Variants in RP1L1 observed in about 807,000 individuals in gnomAD.
RP1L1 encodes the protein RP1 like 1.
A neutral mutation model predicts 15.7 loss-of-function variants in RP1L1; 27 were observed. That is an observed-to-expected ratio of 1.72 (90% CI 1.27 to 2.38). The LOEUF (loss-of-function observed/expected upper bound fraction) is 2.38, where lower values mean the gene tolerates loss of function less well. Among genes scored for constraint, RP1L1 ranks in the 30% most tolerant of loss-of-function variants. The pLI, the probability that RP1L1 is intolerant of heterozygous loss-of-function variation, is 0.00. For missense variants in RP1L1, 4,798 were observed against 3,075.9 expected (o/e 1.56, Z -13.24); for synonymous variants, 1,813 against 1,276.7 (o/e 1.42, Z -8.96).
chr8:10,642,274 G>C (rs560822270), intron 1 of RP1L1, among the ~76,000 whole-genome samples: 1 of 152,136 alleles, frequency 6.6e-6, no homozygotes, highest in African/African-American at 2.4e-5. Context: ...TACTCACTGA[G>C]TTCCTATTTT....
intron 2 of RP1L1, among the ~76,000 whole-genome samples, chr8:10,618,476 C>T (rs1375974124): frequency 6.6e-6 from 1 of 152,186 alleles, no homozygotes; most frequent in East Asian, 1.9e-4. Context: ...CACTGCACTC[C>T]AGCCTGGGTG....
At chr8:10,640,863 C>G (rs567641480) in intron 1 of RP1L1, among the ~76,000 whole-genome samples, 1 of 152,160 alleles carries the variant, frequency 6.6e-6, no homozygotes, top group South Asian at 2.1e-4. Context: ...CTTGACCTCC[C>G]AGGCTGAAGC....
rs1362551155 is a variant in RP1L1, at chr8:10,612,390, C to T, written c.1708G>A (p.Glu570Lys). The part of the protein sequence containing the change: ...RAETSQQEAS[E>K]GGDPASPALS... ...GCTGGAGAAGCGGGGTCGCCTCCCT[C>T]GCTGGCCTCCTGCTGAGAGGTCTCG... is the stretch of plus-strand genomic sequence containing the variant. The change falls in exon 4 of 4, where the codon GAG becomes AAG. Residue 570 changes from glutamate to lysine, a missense_variant. Coordinates refer to ENST00000382483, the MANE Select transcript of RP1L1 (RefSeq NM_178857.6). 12 of 1,612,822 alleles carry T rather than the reference C, an allele frequency of 7.4e-6. No homozygotes were observed. Among genetic ancestry groups the T allele is most frequent in the Admixed American group, 5.0e-5 (3 of 60,028 alleles).
In RP1L1 at chr8:10,609,672, C is replaced by G. The variant is rs761388420; in HGVS notation, c.4426G>C (p.Gly1476Arg). ...ERQSGSQLEP[G>R]LEKPPGATMM... ...GTGGCTCCGGGCGGCTTTTCCAAAC[C>G]AGGCTCAAGCTGGGAGCCACTCTGC... The change falls in exon 4 of 4, where the codon GGT (glycine) becomes CGT (arginine). Residue 1476 changes from glycine to arginine, a missense_variant. By Grantham distance (125) the Gly-to-Arg change is moderately radical. Coordinates refer to ENST00000382483, the MANE Select transcript of RP1L1 (RefSeq NM_178857.6). 2.4e-5 allele frequency: 38 copies of G among 1,612,098 alleles called. No individual in the cohort carries two copies. Among genetic ancestry groups the G allele is most frequent in the Middle Eastern group, 1.6e-4 (1 of 6,084 alleles).
chr8:10,611,596 G>C lies in RP1L1; in HGVS notation c.2502C>G (p.Ala834=), dbSNP rs564054618. 1 of 1,611,734 alleles carries C rather than the reference G, an allele frequency of 6.2e-7. No individual in the cohort carries two copies. The highest frequency in any genetic ancestry group is 8.5e-7 in the Non-Finnish European group (1 of 1,179,414). ...GGGAGGGTCCCCGCTGGGCCTCTTGGGCCGGCTGCGTCCCAGGCTGTGAGC... is the reference window on the plus strand; with the variant it reads ...GGGAGGGTCCCCGCTGGGCCTCTTGCGCCGGCTGCGTCCCAGGCTGTGAGC... The part of the protein sequence containing the change: ...HCCSQPGTQP[A]QEAQRGPSPE... Residue 834 remains alanine (A), a synonymous_variant, in exon 4 of 4, where the codon GCC becomes GCG. Coordinates refer to ENST00000382483, the MANE Select transcript of RP1L1 (RefSeq NM_178857.6).
At position 10,607,207 on chromosome 8, in the gene RP1L1, G is replaced by T. The variant is rs752273515; in HGVS notation, c.6891C>A (p.Gly2297=). Reference sequence around the variant, plus strand: ...AAGAGGATGCTCTGGAGGAGGAAGGGCCTGTTTGGGAGCCTGGCCTTTGGT... The same window carrying T: ...AAGAGGATGCTCTGGAGGAGGAAGGTCCTGTTTGGGAGCCTGGCCTTTGGT... ...TPHQRPGSQT[G]PSSSRASSWG... is the part of the protein sequence containing the mutation. Residue 2297 remains glycine (G), a synonymous_variant, in exon 4 of 4, where the codon GGC becomes GGA. Transcript: ENST00000382483. 1.2e-6 allele frequency: 2 copies of T among 1,614,240 alleles called. No homozygotes were observed. Among genetic ancestry groups the T allele is most frequent in the South Asian group, 2.2e-5 (2 of 91,086 alleles).
At chr8:10,640,090 C>T (rs948575750) in intron 1 of RP1L1, among the ~76,000 whole-genome samples, 2 of 152,200 alleles carry the variant, frequency 1.3e-5, no homozygotes, top group African/African-American at 4.8e-5. Flanking sequence ...TAACACCCAT[C>T]ATGGGAAAGA....
intron 1 of RP1L1, among the ~76,000 whole-genome samples, chr8:10,631,841 T>C (rs1798258098): frequency 6.6e-6 from 1 of 152,146 alleles, no homozygotes; most frequent in Admixed American, 6.5e-5. Context: ...GGGAAGACAC[T>C]GCCAGGCAAG....
rs1563121234 is a variant in RP1L1, at chr8:10,608,985, C to T, written c.5113G>A (p.Ala1705Thr). ...RKRGEHTDGE[A>T]AEVAPGKTHT... ...GTCTTGCCAGGGGCCACCTCTGCTG[C>T]CTCCCCATCAGTGTGTTCTCCCCTC... The change falls in exon 4 of 4, where the codon GCA becomes ACA. Residue 1705 changes from alanine to threonine, a missense_variant. Transcript: ENST00000382483. The T allele has an allele frequency of 6.2e-7, 1 of 1,613,182 alleles. No homozygotes were observed. The highest frequency in any genetic ancestry group is 8.5e-7 in the Non-Finnish European group (1 of 1,179,180).
intron 1 of RP1L1, among the ~76,000 whole-genome samples, chr8:10,639,371 T>C (rs1285523187): frequency 1.3e-5 from 2 of 152,140 alleles, no homozygotes; most frequent in East Asian, 3.9e-4. Context: ...TGCTTCTTGC[T>C]GATTGTTTGA....
At chr8:10,637,206 C>A (rs1362518949) in intron 1 of RP1L1, among the ~76,000 whole-genome samples, 1 of 152,192 alleles carries the variant, frequency 6.6e-6, no homozygotes, top group African/African-American at 2.4e-5. Context: ...CCTCTCCCCA[C>A]GTAGTAAGGG....
chr8:10,615,473 G>C lies in RP1L1; in HGVS notation c.751+973C>G, dbSNP rs550089858. 2.9e-4 allele frequency among the ~76,000 whole-genome samples: 44 copies of C among 152,304 alleles called. 1 individual carries two copies. The highest frequency in any genetic ancestry group is 1.8e-3 in the Admixed American group (27 of 15,290). ...CACCACTGTTGCCTGAGACCATCGTGACCCTGAAAGGATGCAACGCCAGGC... is the reference window on the plus strand; with the variant it reads ...CACCACTGTTGCCTGAGACCATCGTCACCCTGAAAGGATGCAACGCCAGGC... On this transcript the variant is annotated intron_variant, in intron 3 of 3. Transcript: ENST00000382483.
rs1410606994 is a variant in RP1L1 at position 10,611,358 on chromosome 8, T to G, written c.2740A>C (p.Ser914Arg). 6.2e-7 allele frequency: 1 copy of G among 1,611,108 alleles called. No individual in the cohort carries two copies. The highest frequency in any genetic ancestry group is 1.7e-5 in the Admixed American group (1 of 59,926). ...NSGASRRSSA[S>R]QGAGSRGLSE... ...AGCCCCCGAGACCCCGCACCCTGGC[T>G]GGCACTGCTTCTCCTTGATGCCCCT... is the stretch of plus-strand genomic sequence containing the variant. Residue 914 changes from serine to arginine, a missense_variant, in exon 4 of 4, where the codon AGC becomes CGC. Coordinates refer to ENST00000382483, the MANE Select transcript of RP1L1 (RefSeq NM_178857.6).
chr8:10,615,723 G>A (rs1460995750), intron 3 of RP1L1, among the ~76,000 whole-genome samples: 1 of 151,812 alleles, frequency 6.6e-6, no homozygotes, highest in Admixed American at 6.6e-5. Flanking sequence ...GATGTTTGTG[G>A]TAGAGGCAGG....
chr8:10,632,638 C>T (rs73662886), intron 1 of RP1L1, among the ~76,000 whole-genome samples: 1,638 of 152,348 alleles, frequency 0.011, 29 homozygotes, highest in African/African-American at 0.037. Flanking sequence ...GAGGATGAGG[C>T]CGCTGACTTT....
chr8:10,607,580 G>C lies in RP1L1; in HGVS notation c.6518C>G (p.Ala2173Gly), dbSNP rs1479727735. 55 of 1,563,706 alleles carry C rather than the reference G, an allele frequency of 3.5e-5. No individual in the cohort carries two copies. Among genetic ancestry groups the C allele is most frequent in the Non-Finnish European group, 4.7e-5 (54 of 1,145,706 alleles). ...GIEAQEAEEE[A>G]QPELEGVEAP... ...CTCTACACCTTCTAACTCTGGTTGGGCCTCCTCTTCAGCCTCCTGGGCCTC... is the reference window on the plus strand; with the variant it reads ...CTCTACACCTTCTAACTCTGGTTGGCCCTCCTCTTCAGCCTCCTGGGCCTC... The change falls in exon 4 of 4, where the codon GCC (alanine) becomes GGC (glycine). Residue 2173 changes from alanine (A) to glycine (G), a missense_variant. Physicochemically the swap from Ala to Gly is moderately conservative, Grantham distance 60. Transcript: ENST00000382483.
intron 2 of RP1L1, among the ~76,000 whole-genome samples, chr8:10,618,201 T>C (rs1358939285): frequency 1.3e-5 from 2 of 152,156 alleles, no homozygotes; most frequent in African/African-American, 4.8e-5. Flanking sequence ...CCCAAGGGGA[T>C]AATAATATCA....
At chr8:10,640,961 A>T (rs990768952) in intron 1 of RP1L1, among the ~76,000 whole-genome samples, 5 of 152,042 alleles carry the variant, frequency 3.3e-5, no homozygotes, top group Admixed American at 3.3e-4. Context: ...TGTAGAGAGG[A>T]GGTTTTTCCG....
chr8:10,616,720 C>A, intron 2 of RP1L1, 133 bp from the exon 3 acceptor site: 2 of 1,055,840 alleles, frequency 1.9e-6, no homozygotes, highest in South Asian at 1.7e-5. Context: ...ACTCCTGGTC[C>A]AAGGAGGGGT....
Sources: allele counts gnomAD v4.1 joint callset (sites outside exome capture counted in the v4.1 genomes callset), GRCh38; gene constraint gnomAD v4.1.1; transcripts MANE v1.5; gene names NCBI Gene and HGNC (gene_info 2026-07-23, HGNC 2026-07-21).